The following RBM26 variants were observed in gnomAD, a reference collection of about 807,000 sequenced individuals.
RBM26 encodes RNA-binding protein 26.
RBM26 carries 30 observed loss-of-function variants against 123.6 expected under a neutral mutation model. That is an observed-to-expected ratio of 0.24 (90% CI 0.18 to 0.33). RBM26 has a LOEUF of 0.33. Among genes scored for constraint, RBM26 ranks in the 10% least tolerant of loss-of-function variants. The pLI is 1.00. For synonymous variants in RBM26, 400 were observed against 404.4 expected (o/e 0.99, Z 0.13); for missense variants, 947 against 1,203.6 (o/e 0.79, Z 3.15).
rs2067443783 is a variant in RBM26, at chr13:79,319,419, C to T, written c.*1202G>A. The stretch of plus-strand genomic sequence containing the variant: ...AACTGCCATATCAACTTTCAATGAT[C>T]ATGTTCACTTGCAAAAGAAATCCAC... On this transcript the variant is annotated 3_prime_UTR_variant, in exon 22 of 22. Transcript: ENST00000438737. 1 of 984,348 alleles carries T rather than the reference C, an allele frequency of 1.0e-6. No individual in the cohort carries two copies. Among genetic ancestry groups the T allele is most frequent in the Admixed American group, 6.2e-5 (1 of 16,104 alleles). The allele number at this position is 984,348 out of a possible 1,614,324, so 61.0% of individuals were successfully genotyped here.
chr13:79,396,168 G>A (rs192369049), intron 1 of RBM26, among the ~76,000 whole-genome samples: 1 of 152,226 alleles, frequency 6.6e-6, no homozygotes, highest in African/African-American at 2.4e-5. Flanking sequence ...AACAGAGGAC[G>A]GTGGCAATGG....
At chr13:79,345,196 A>C (rs2072112147) in intron 14 of RBM26, among the ~76,000 whole-genome samples, 1 of 152,050 alleles carries the variant, frequency 6.6e-6, no homozygotes, top group African/African-American at 2.4e-5. Flanking sequence ...AATTTAACAC[A>C]ATCATTTGCA....
intron 20 of RBM26, among the ~76,000 whole-genome samples, chr13:79,326,046 G>A (rs1168810260): frequency 6.6e-6 from 1 of 152,112 alleles, no homozygotes. Flanking sequence ...ATAGAGTGTA[G>A]GTGTGTAGTA....
downstream of RBM26, chr13:79,314,830 A>T: frequency 2.4e-6 from 1 of 420,364 alleles, no homozygotes; most frequent in Non-Finnish European, 4.4e-6. Context: ...AGAGAACTGT[A>T]GAGATAAAAT....
At chr13:79,365,509 G>A (rs1416011754) in intron 9 of RBM26, 69 bp downstream of exon 9, 1 of 1,272,402 alleles carries the variant, frequency 7.9e-7, no homozygotes, top group Non-Finnish European at 1.1e-6. Flanking sequence ...AAGACCAACT[G>A]TTCTTTATAA....
In RBM26 at chr13:79,372,794, T is replaced by TA. The variant is rs1555330289; in HGVS notation, c.328-865_328-864insT. On this transcript the variant is annotated intron_variant, in intron 3 of 21. Coordinates refer to ENST00000438737, the MANE Select transcript of RBM26 (RefSeq NM_001366735.2). ...ATTATATATAATTATATGATATATA[T>TA]TATAATTATATGATATATATTTATA... is the stretch of plus-strand genomic sequence containing the variant. Among the ~76,000 whole-genome samples the TA allele has an allele frequency of 1.8e-3, 115 of 64,952 alleles. 3 individuals are homozygous for TA. Among genetic ancestry groups the TA allele is most frequent in the Non-Finnish European group, 2.2e-3 (88 of 39,912 alleles). The allele number at this position is 64,952 out of a possible 152,430, so 42.6% of individuals were successfully genotyped here.
At chr13:79,355,884 G>C (rs1014962458) in intron 11 of RBM26, among the ~76,000 whole-genome samples, 2 of 152,120 alleles carry the variant, frequency 1.3e-5, no homozygotes, top group Non-Finnish European at 2.9e-5. Flanking sequence ...TGTAACAACA[G>C]CATCAATCAC....
At chr13:79,350,965 C>G (rs566062755) in intron 14 of RBM26, among the ~76,000 whole-genome samples, 1 of 152,034 alleles carries the variant, frequency 6.6e-6, no homozygotes, top group African/African-American at 2.4e-5. Context: ...AGGCTGTTTA[C>G]GGTATTTATC....
At chr13:79,328,755 T>C (rs938822565) in intron 20 of RBM26, among the ~76,000 whole-genome samples, 1 of 123,538 alleles carries the variant, frequency 8.1e-6, no homozygotes, top group African/African-American at 3.0e-5. Flanking sequence ...TAACAGTTGA[T>C]AGACATAAAA....
At chr13:79,320,732 G>T in intron 21 of RBM26, 22 bp from the exon 22 acceptor site, 3 of 1,401,444 alleles carry the variant, frequency 2.1e-6, no homozygotes, top group South Asian at 1.4e-5. Context: ...AATGTATTTA[G>T]GAATTTACCC....
At chr13:79,331,010 T>C (rs1005115346) in intron 20 of RBM26, among the ~76,000 whole-genome samples, 2 of 151,626 alleles carry the variant, frequency 1.3e-5, no homozygotes, top group Non-Finnish European at 2.9e-5. Flanking sequence ...CATGATTCTC[T>C]TTCCCCCTAT....
intron 18 of RBM26, among the ~76,000 whole-genome samples, chr13:79,338,375 G>A (rs949702678): frequency 2.0e-5 from 3 of 151,934 alleles, no homozygotes; most frequent in South Asian, 4.2e-4. Flanking sequence ...TTTATTCTCC[G>A]CTTTATTCCC....
chr13:79,365,633 T>C lies in RBM26; in HGVS notation c.1362A>G (p.Ala454=). 6.2e-7 allele frequency: 1 copy of C among 1,614,022 alleles called. No homozygotes were observed. The highest frequency in any genetic ancestry group is 8.5e-7 in the Non-Finnish European group (1 of 1,179,872). The part of the protein sequence containing the change: ...SRPMYRHRVH[A]QRPNLIGLTS... Reference sequence around the variant, plus strand: ...TTAGTCCTATCAAGTTGGGCCTTTGTGCATGCACTCTGTGTCTATACATAG... The same window carrying C: ...TTAGTCCTATCAAGTTGGGCCTTTGCGCATGCACTCTGTGTCTATACATAG... Residue 454 remains alanine, a synonymous_variant, in exon 9 of 22, where the codon GCA becomes GCG. Transcript: ENST00000438737.
At chr13:79,381,252 C>A (rs1226176919) in intron 1 of RBM26, among the ~76,000 whole-genome samples, 1 of 152,024 alleles carries the variant, frequency 6.6e-6, no homozygotes, top group Non-Finnish European at 1.5e-5. Flanking sequence ...ACTCCAAAGT[C>A]CACATTCTTA....
At chr13:79,347,247 C>T (rs2072489096) in intron 14 of RBM26, among the ~76,000 whole-genome samples, 1 of 151,960 alleles carries the variant, frequency 6.6e-6, no homozygotes, top group African/African-American at 2.4e-5. Flanking sequence ...CTCACTAAGG[C>T]TACAACTCAG....
At chr13:79,326,981 A>G (rs2068521860) in intron 20 of RBM26, among the ~76,000 whole-genome samples, 3 of 152,124 alleles carry the variant, frequency 2.0e-5, no homozygotes, top group Admixed American at 2.0e-4. Flanking sequence ...TTGTTATACA[A>G]ACATCAAAAA....
rs1356637874 is a variant in RBM26 at position 79,345,481 on chromosome 13, A to G, written c.2059-687T>C. On this transcript the variant is annotated intron_variant, in intron 14 of 21. Transcript: ENST00000438737. ...AAACGACCTGATAATATATTAATTA[A>G]TGTGTCTTTTCCCCCGTCTACAATG... 3.9e-5 allele frequency among the ~76,000 whole-genome samples: 6 copies of G among 152,082 alleles called. No homozygotes were observed. The East Asian group carries it at 1.2e-3, about 29-fold the overall frequency.
chr13:79,328,555 T>C (rs1375661936), intron 20 of RBM26, among the ~76,000 whole-genome samples: 1 of 151,186 alleles, frequency 6.6e-6, no homozygotes, highest in Non-Finnish European at 1.5e-5. Context: ...GGTGAAAGCC[T>C]TTCAAACTAT....
At chr13:79,320,833 T>C in intron 21 of RBM26, 123 bp from the exon 22 acceptor site, 1 of 1,112,218 alleles carries the variant, frequency 9.0e-7, no homozygotes, top group Non-Finnish European at 1.2e-6. Context: ...TTTTTATAGC[T>C]AGAACATTCA....
Sources: gnomAD v4.1 joint callset for allele counts (sites outside exome capture counted in the v4.1 genomes callset) on GRCh38, gnomAD v4.1.1 for gene constraint, MANE v1.5 for transcripts, NCBI Gene and HGNC (gene_info 2026-07-23, HGNC 2026-07-21) for gene names.